TEX10: variants seen among roughly 807,000 people sequenced by gnomAD.
The protein encoded by TEX10 is testis-expressed protein 10.
In TEX10, 24 loss-of-function variants were observed where a neutral mutation model predicts 104.4. That is an observed-to-expected ratio of 0.23 (90% confidence interval 0.17 to 0.32). The LOEUF (loss-of-function observed/expected upper bound fraction) is 0.32. Ranked by LOEUF, TEX10 falls within the 10% of genes least tolerant of loss-of-function variation. The pLI, the probability that TEX10 is intolerant of heterozygous loss-of-function variation, is 1.00. For synonymous variants in TEX10, 396 were observed against 393.4 expected, an observed-to-expected ratio of 1.01 and a Z score of -0.08; for missense variants, 921 against 1,083.9, an observed-to-expected ratio of 0.85 and a Z score of 2.11.
chr9:100,309,939 T>C (rs1362385037), intron 12 of TEX10, among the ~76,000 whole-genome samples: 1 of 152,168 alleles, frequency 6.6e-6, no homozygotes, highest in South Asian at 2.1e-4. Flanking sequence ...CCCCAAACCT[T>C]CTAGGTGGAA....
intron 11 of TEX10, among the ~76,000 whole-genome samples, chr9:100,316,915 A>AAC (rs1554734933): frequency 6.6e-6 from 1 of 151,168 alleles, no homozygotes; most frequent in East Asian, 1.9e-4. Context: ...AAAAAAAAAA[A>AAC]ACCTAGGAAT....
Position 100,346,815 on chromosome 9 carries a change from G to A in TEX10, c.772C>T (p.Pro258Ser), listed in dbSNP as rs1311616703. The A allele has an allele frequency of 6.2e-7, 1 of 1,614,176 alleles. No homozygotes were observed. The highest frequency in any genetic ancestry group is 8.5e-7 in the Non-Finnish European group (1 of 1,180,020). Residue 258 changes from proline to serine, a missense_variant, in exon 3 of 15, where the codon CCC becomes TCC. Transcript: ENST00000374902. The stretch of plus-strand genomic sequence containing the variant: ...AAAATGGAGTTGCTAGTGGCATGGG[G>A]ATTTTCTTTCTGTTCCTGAAGTCCT... ...SEGLQEQKEN[P>S]HATSNSIFIN...
At chr9:100,347,509 G>A in intron 2 of TEX10, 103 bp from the exon 3 acceptor site, 1 of 826,000 alleles carries the variant, frequency 1.2e-6, no homozygotes, top group Non-Finnish European at 1.8e-6. Context: ...CACTCCTTGG[G>A]GAAACTGCTT....
chr9:100,313,996 CAGG>C (rs1161215582), intron 11 of TEX10, among the ~76,000 whole-genome samples: 2 of 152,012 alleles, frequency 1.3e-5, no homozygotes, highest in African/African-American at 4.8e-5. Context: ...GAAACAATTT[CAGG>C]AGAATGAGTA....
chr9:100,319,145 C>T (rs1834500468), intron 11 of TEX10, among the ~76,000 whole-genome samples: 1 of 151,758 alleles, frequency 6.6e-6, no homozygotes, highest in South Asian at 2.1e-4. Flanking sequence ...TGAGCCGAGA[C>T]AGCACCAATG....
chr9:100,339,896 G>T (rs1160972103), intron 5 of TEX10, among the ~76,000 whole-genome samples: 1 of 151,720 alleles, frequency 6.6e-6, no homozygotes, highest in South Asian at 2.1e-4. Context: ...ATGTATAAAT[G>T]AGAGTGGAAC....
intron 1 of TEX10, chr9:100,352,438 T>C (rs2118953122): frequency 1.3e-6 from 2 of 1,551,730 alleles, no homozygotes; most frequent in East Asian, 2.4e-5. Flanking sequence ...TAGGAAACCA[T>C]CGTTCCTCCT....
chr9:100,323,557 G>A (rs1007157444), intron 9 of TEX10, among the ~76,000 whole-genome samples: 1 of 152,192 alleles, frequency 6.6e-6, no homozygotes, highest in African/African-American at 2.4e-5. Flanking sequence ...ACCACAAGTA[G>A]AATGGTATGA....
chr9:100,303,447 C>A (rs1015309578), intron 14 of TEX10, among the ~76,000 whole-genome samples, 185 bp downstream of exon 14: 3 of 149,374 alleles, frequency 2.0e-5, no homozygotes, highest in Non-Finnish European at 4.5e-5. Flanking sequence ...CACCCCCCCC[C>A]CCATTAAGTC....
chr9:100,310,449 T>C (rs955046033), intron 11 of TEX10, 70 bp from the exon 12 acceptor site: 2 of 1,344,212 alleles, frequency 1.5e-6, no homozygotes, highest in East Asian at 2.4e-5. Flanking sequence ...CAACAGATTC[T>C]TTTTTTTGAG....
At position 100,302,221 on chromosome 9, in the gene TEX10, T is replaced by C; in HGVS notation, c.2760A>G (p.Gln920=). Residue 920 remains glutamine, a synonymous_variant, in exon 15 of 15, where the codon CAA becomes CAG. Transcript: ENST00000374902. Reference sequence around the variant, plus strand: ...ACACTGTAGCCAGTGCACTGGGCCCTTGGGGATGCCCAGTGATATACACGT... The same window carrying C: ...ACACTGTAGCCAGTGCACTGGGCCCCTGGGGATGCCCAGTGATATACACGT... The part of the protein sequence containing the change: ...CFNVYITGHP[Q]GPSALATVY 2.5e-6 allele frequency: 4 copies of C among 1,612,480 alleles called. No individual in the cohort carries two copies. Among genetic ancestry groups the C allele is most frequent in the Non-Finnish European group, 3.4e-6 (4 of 1,178,908 alleles).
In TEX10 at chr9:100,302,286, C is replaced by T. The variant is rs753265472; in HGVS notation, c.2695G>A (p.Val899Ile). 8 of 1,612,730 alleles carry T rather than the reference C, an allele frequency of 5.0e-6. No homozygotes were observed. In the African/African-American group the frequency reaches 5.3e-5, roughly 11 times the overall value. The change falls in exon 15 of 15, where the codon GTT (valine) becomes ATT (isoleucine). Residue 899 changes from valine (V) to isoleucine (I), a missense_variant. Val to Ile is a conservative substitution (Grantham distance 29). This residue lies in a region of TEX10 where 753 missense variants were observed against 868.4 expected (regional missense o/e 0.87). Transcript: ENST00000374902. Reference protein sequence around the residue: ...KNITTLKSGSVQEQWLTDLHY... With the variant: ...KNITTLKSGSIQEQWLTDLHY... Reference sequence around the variant, plus strand: ...AAGTCTGTGAGCCACTGTTCCTGAACACTTCCACTCTTCAATGTCTGGAGA... The same window carrying T: ...AAGTCTGTGAGCCACTGTTCCTGAATACTTCCACTCTTCAATGTCTGGAGA...
In TEX10 at chr9:100,352,929, G is replaced by A. The variant is rs748805295; in HGVS notation, c.-167C>T. The stretch of plus-strand genomic sequence containing the variant: ...TCACGCGGCCGCGTCTCCTTCCGCC[G>A]CCCGGAAATCAGGGCCCCTCCCCCT... On this transcript the variant is annotated 5_prime_UTR_variant, in exon 1 of 15. Transcript: ENST00000374902. The A allele has an allele frequency of 4.2e-4, 419 of 991,128 alleles. No individual in the cohort carries two copies. Among genetic ancestry groups the A allele is most frequent in the Non-Finnish European group, 4.9e-4 (409 of 834,334 alleles). 61.4% of individuals were successfully genotyped at this position (991,128 alleles called of 1,614,324 possible). A position where few individuals can be genotyped will look rare whatever the true frequency, so the allele number is the denominator to read the frequency against.
At chr9:100,324,787 G>A (rs886527649) in intron 9 of TEX10, among the ~76,000 whole-genome samples, 1 of 152,124 alleles carries the variant, frequency 6.6e-6, no homozygotes, top group East Asian at 1.9e-4. Flanking sequence ...TTATATCTAA[G>A]GAACAGAGTG....
At chr9:100,348,783 C>T (rs962466017) in intron 2 of TEX10, among the ~76,000 whole-genome samples, 1 of 152,050 alleles carries the variant, frequency 6.6e-6, no homozygotes, top group African/African-American at 2.4e-5. Flanking sequence ...TGGTGACGCT[C>T]GCCTGCAGCC....
intron 12 of TEX10, among the ~76,000 whole-genome samples, chr9:100,309,432 T>C (rs1834218509): frequency 2.0e-5 from 3 of 152,086 alleles, no homozygotes; most frequent in South Asian, 2.1e-4. Flanking sequence ...TGTGTGAAAA[T>C]AGTGGCCAAG....
intron 11 of TEX10, among the ~76,000 whole-genome samples, chr9:100,319,352 T>G (rs1027718162): frequency 2.0e-5 from 3 of 152,162 alleles, no homozygotes; most frequent in Non-Finnish European, 4.4e-5. Context: ...TTATTAAATA[T>G]CTCTAAGATT....
In TEX10 at chr9:100,340,347, T is replaced by C. The variant is rs1835142541; in HGVS notation, c.1160A>G (p.Tyr387Cys). 1 of 1,563,398 alleles carries C rather than the reference T, an allele frequency of 6.4e-7. No individual in the cohort carries two copies. Among genetic ancestry groups the C allele is most frequent in the Non-Finnish European group, 8.6e-7 (1 of 1,163,216 alleles). The change falls in exon 5 of 15, where the codon TAC (tyrosine) becomes TGC (cysteine). Residue 387 changes from tyrosine (Y) to cysteine (C), a missense_variant. Coordinates refer to ENST00000374902, the MANE Select transcript of TEX10 (RefSeq NM_017746.4). ...HKLESWLRKN[Y>C]LIDFKHHFMS... ...AAAATGGTGTTTAAAATCAATAAGG[T>C]AGTTCTTTCGAAGCCATGACTCCTA...
chr9:100,332,837 C>A (rs1834902579), intron 5 of TEX10, among the ~76,000 whole-genome samples: 1 of 151,042 alleles, frequency 6.6e-6, no homozygotes, highest in African/African-American at 2.4e-5. Flanking sequence ...AAAAAAATTG[C>A]TGAAAATAAC....
Sources: allele counts gnomAD v4.1 joint callset (sites outside exome capture counted in the v4.1 genomes callset), GRCh38; gene constraint gnomAD v4.1.1; regional missense constraint gnomAD v4.1.1; transcripts MANE v1.5; gene names NCBI Gene and HGNC (gene_info 2026-07-23, HGNC 2026-07-21).